Variants in NRXN1 observed in about 807,000 individuals in gnomAD.
NRXN1 encodes the protein neurexin 1.
NRXN1 carries 39 observed loss-of-function variants against 150.9 expected under a neutral mutation model. The ratio of observed to expected loss-of-function variants is 0.26; its 90% CI spans 0.20 to 0.34. The LOEUF is 0.34. Ranked by LOEUF, NRXN1 falls within the 10% of genes least tolerant of loss-of-function variation. The probability of loss-of-function intolerance (pLI) is 1.00; values close to 1 mark genes in which losing one functional copy is unlikely to be tolerated. For synonymous variants in NRXN1, 924 were observed against 757.0 expected, an observed-to-expected ratio of 1.22 and a Z score of -3.62; for missense variants, 1,815 against 1,949.9, an observed-to-expected ratio of 0.93 and a Z score of 1.30.
intron 17 of NRXN1, among the ~76,000 whole-genome samples, chr2:50,449,679 T>G (rs1996669): frequency 0.58 from 88,793 of 152,030 alleles, 29,105 homozygotes; most frequent in East Asian, 0.92. Context: ...TGGGTATATG[T>G]CACTACATTT....
intron 18 of NRXN1, among the ~76,000 whole-genome samples, chr2:50,118,978 T>A (rs1222684408): frequency 1.5e-5 from 2 of 134,198 alleles, no homozygotes; most frequent in Non-Finnish European, 3.1e-5. Flanking sequence ...TTAACCTGTC[T>A]TTTTTTTTTT....
chr2:50,553,093 C>A, intron 8 of NRXN1, 68 bp from the exon 9 acceptor site: 1 of 1,125,822 alleles, frequency 8.9e-7, no homozygotes, highest in Non-Finnish European at 1.3e-6. Context: ...GTGAACAGCT[C>A]ATGTAACTTT....
At chr2:50,545,196 G>T (rs896190468) in intron 9 of NRXN1, among the ~76,000 whole-genome samples, 6 of 152,080 alleles carry the variant, frequency 3.9e-5, no homozygotes, top group Non-Finnish European at 8.8e-5. Flanking sequence ...TTCACCAAAA[G>T]TATGTATTTA....
At chr2:50,462,081 A>G (rs567703049) in intron 17 of NRXN1, among the ~76,000 whole-genome samples, 1 of 152,024 alleles carries the variant, frequency 6.6e-6, no homozygotes, top group East Asian at 1.9e-4. Context: ...GTAGTATTGG[A>G]CACTGAGGAT....
chr2:50,079,217 C>A (rs1697555071), intron 19 of NRXN1, among the ~76,000 whole-genome samples: 1 of 151,876 alleles, frequency 6.6e-6, no homozygotes, highest in Non-Finnish European at 1.5e-5. Context: ...AGTTCTGGCC[C>A]TTGGAAGTTT....
At chr2:50,574,739 G>A (rs1334443631) in intron 8 of NRXN1, among the ~76,000 whole-genome samples, 1 of 152,144 alleles carries the variant, frequency 6.6e-6, no homozygotes, top group African/African-American at 2.4e-5. Context: ...AACACCATAC[G>A]GTAGTATTCT....
chr2:50,894,549 A>T (rs1681623709), intron 5 of NRXN1, among the ~76,000 whole-genome samples: 1 of 152,022 alleles, frequency 6.6e-6, no homozygotes, highest in Non-Finnish European at 1.5e-5. Context: ...AATAGTTGAA[A>T]TTATATGGGC....
At chr2:50,387,595 G>T (rs779277628) in intron 17 of NRXN1, among the ~76,000 whole-genome samples, 4 of 152,096 alleles carry the variant, frequency 2.6e-5, no homozygotes, top group African/African-American at 9.7e-5. Context: ...TAAGGTAGGA[G>T]AAGTGAATAC....
Position 50,172,454 on chromosome 2 carries a change from C to A in NRXN1, c.3546+64335G>T, listed in dbSNP as rs558980078. ...AGTCCTAACATCACTCTATGGACAA[C>A]AGAGATGAACCACATGAGCCAGGTG... is the stretch of plus-strand genomic sequence containing the variant. On this transcript the variant is annotated intron_variant, in intron 18 of 22. Transcript: ENST00000401669. Among the ~76,000 whole-genome samples, 8 of 152,202 alleles carry A rather than the reference C, an allele frequency of 5.3e-5. No individual in the cohort carries two copies. In the South Asian group the frequency reaches 1.7e-3, roughly 32 times the overall value.
chr2:50,005,581 G>T (rs971808984), intron 21 of NRXN1, among the ~76,000 whole-genome samples: 1 of 152,050 alleles, frequency 6.6e-6, no homozygotes, highest in Non-Finnish European at 1.5e-5. Context: ...AGAACCTAGA[G>T]CAAATAACTT....
At chr2:50,741,111 TATTA>T (rs1033504968) in intron 5 of NRXN1, among the ~76,000 whole-genome samples, 1 of 152,088 alleles carries the variant, frequency 6.6e-6, no homozygotes, top group African/African-American at 2.4e-5. Context: ...ATAAAATCAA[TATTA>T]ATTAAAAAAA....
intron 12 of NRXN1, among the ~76,000 whole-genome samples, chr2:50,511,995 A>C (rs1207969315): frequency 6.6e-6 from 1 of 152,128 alleles, no homozygotes. Context: ...GTCTGTCATC[A>C]ACTAATTATG....
intron 21 of NRXN1, among the ~76,000 whole-genome samples, chr2:50,012,735 A>G (rs750648084): frequency 4.6e-5 from 7 of 152,170 alleles, no homozygotes; most frequent in African/African-American, 7.2e-5. Context: ...GGCTATGTAT[A>G]CTGTTAAAAA....
chr2:50,130,127 T>A (rs560482712), intron 18 of NRXN1, among the ~76,000 whole-genome samples: 2 of 152,302 alleles, frequency 1.3e-5, no homozygotes, highest in South Asian at 4.1e-4. Flanking sequence ...CACAGTTTTG[T>A]CGCTTCTTTC....
intron 2 of NRXN1, among the ~76,000 whole-genome samples, chr2:50,988,352 T>C (rs1021900052): frequency 2.0e-5 from 3 of 151,960 alleles, no homozygotes; most frequent in African/African-American, 7.2e-5. Flanking sequence ...ATTTATTTTT[T>C]CCCCAAAAAG....
chr2:50,953,324 C>T (rs902141004), intron 2 of NRXN1, among the ~76,000 whole-genome samples: 1 of 152,066 alleles, frequency 6.6e-6, no homozygotes. Flanking sequence ...CTTCAGAAGC[C>T]CATAACAAAT....
chr2:50,344,986 G>A (rs1464446364), intron 17 of NRXN1, among the ~76,000 whole-genome samples: 1 of 152,166 alleles, frequency 6.6e-6, no homozygotes, highest in Non-Finnish European at 1.5e-5. Context: ...ACAAAGGCAG[G>A]GCAGTGGTTG....
intron 17 of NRXN1, among the ~76,000 whole-genome samples, chr2:50,419,552 T>C (rs970263099): frequency 1.3e-5 from 2 of 152,036 alleles, no homozygotes; most frequent in African/African-American, 4.8e-5. Context: ...CCAATTTTCA[T>C]TATTTCTCAG....
At chr2:50,261,368 A>G (rs1270578061) in intron 17 of NRXN1, among the ~76,000 whole-genome samples, 2 of 151,718 alleles carry the variant, frequency 1.3e-5, no homozygotes, top group Admixed American at 1.3e-4. Context: ...AGAGAGATTC[A>G]TTTTCTCCTG....
Sources: allele counts gnomAD v4.1 joint callset (sites outside exome capture counted in the v4.1 genomes callset), GRCh38; gene constraint gnomAD v4.1.1; transcripts MANE v1.5; gene names NCBI Gene and HGNC (gene_info 2026-07-23, HGNC 2026-07-21).